Variants in KLHL25 observed in about 807,000 individuals in gnomAD.
KLHL25 encodes the protein kelch-like protein 25.
KLHL25 carries 41 observed loss-of-function variants against 30.0 expected under a neutral mutation model. The observed-to-expected ratio is 1.37, with a 90% CI of 1.07 to 1.78. KLHL25 has a LOEUF of 1.78. Among genes scored for constraint, KLHL25 ranks in the 40% most tolerant of loss-of-function variants. The probability of loss-of-function intolerance (pLI) is 0.00; values close to 1 mark genes in which losing one functional copy is unlikely to be tolerated. For missense variants in KLHL25, 971 were observed against 824.5 expected, an observed-to-expected ratio of 1.18 and a Z score of -2.18; for synonymous variants, 399 against 355.3, an observed-to-expected ratio of 1.12 and a Z score of -1.38.
intron 1 of KLHL25, among the ~76,000 whole-genome samples, chr15:85,773,734 T>G (rs1359754884): frequency 6.6e-6 from 1 of 152,200 alleles, no homozygotes; most frequent in African/African-American, 2.4e-5. Flanking sequence ...CTAGGACTGC[T>G]GACCGGACTG....
At chr15:85,782,134 G>A (rs2089747680) in intron 1 of KLHL25, among the ~76,000 whole-genome samples, 1 of 152,064 alleles carries the variant, frequency 6.6e-6, no homozygotes, top group Non-Finnish European at 1.5e-5. Flanking sequence ...GCTACACTTG[G>A]GCTTTGCAGT....
intron 1 of KLHL25, among the ~76,000 whole-genome samples, chr15:85,785,747 C>T (rs1567243389): frequency 6.6e-6 from 1 of 152,188 alleles, no homozygotes; most frequent in Non-Finnish European, 1.5e-5. Flanking sequence ...CTTAGCTAAC[C>T]AGCCAAACCC....
rs2151803371 is a variant in KLHL25, at chr15:85,760,485, C to A, written c.*551G>T. Reference sequence around the variant, plus strand: ...TAAGGCCTCATGGATGTCACTGAGGCCCCCCTGCAGTTTCTGCACCTTAAA... The same window carrying A: ...TAAGGCCTCATGGATGTCACTGAGGACCCCCTGCAGTTTCTGCACCTTAAA... On this transcript the variant is annotated 3_prime_UTR_variant, in exon 3 of 3. Transcript: ENST00000337975. 6.6e-6 allele frequency: 1 copy of A among 152,252 alleles called. No individual in the cohort carries two copies. The highest frequency in any genetic ancestry group is 6.5e-5 in the Admixed American group (1 of 15,304). 9.4% of individuals were successfully genotyped at this position (152,252 alleles called of 1,614,324 possible). A position where few individuals can be genotyped will look rare whatever the true frequency, so the allele number is the denominator to read the frequency against.
rs113995919 is a variant in KLHL25, at chr15:85,774,225, T to C, written c.-10-4405A>G. ...CTCTCGCTCTGCACATATCACAGAATTGTTCTCATGACCTAAGCGTCGTCC... is the reference window on the plus strand; with the variant it reads ...CTCTCGCTCTGCACATATCACAGAACTGTTCTCATGACCTAAGCGTCGTCC... On this transcript the variant is annotated intron_variant, in intron 1 of 2. Coordinates refer to ENST00000337975, the MANE Select transcript of KLHL25 (RefSeq NM_022480.4). Among the ~76,000 whole-genome samples, 714 of 152,276 alleles carry C rather than the reference T, an allele frequency of 4.7e-3. 6 individuals are homozygous for C. The highest frequency in any genetic ancestry group is 0.016 in the African/African-American group (673 of 41,546).
chr15:85,773,143 G>A (rs916132539), intron 1 of KLHL25, among the ~76,000 whole-genome samples: 13 of 152,240 alleles, frequency 8.5e-5, no homozygotes, highest in African/African-American at 3.1e-4. Flanking sequence ...AACTGCACAG[G>A]AGGCCCAGAA....
intron 1 of KLHL25, among the ~76,000 whole-genome samples, chr15:85,780,342 A>C (rs764154952): frequency 2.6e-5 from 4 of 152,238 alleles, no homozygotes; most frequent in Non-Finnish European, 5.9e-5. Flanking sequence ...CAGAGACAGA[A>C]ACAAAGAGGG....
intron 1 of KLHL25, among the ~76,000 whole-genome samples, chr15:85,770,223 C>CTACAGAAGCTT (rs2089662096): frequency 6.6e-6 from 1 of 152,336 alleles, no homozygotes; most frequent in Non-Finnish European, 1.5e-5. Context: ...TGACAGTCCT[C>CTACAGAAGCTT]TACAGAAGCT....
intron 1 of KLHL25, among the ~76,000 whole-genome samples, chr15:85,790,789 G>C (rs1233075286): frequency 2.0e-5 from 3 of 152,024 alleles, no homozygotes; most frequent in Non-Finnish European, 4.4e-5. Context: ...CCAACTCAGG[G>C]AACAGGAGAC....
intron 1 of KLHL25, among the ~76,000 whole-genome samples, chr15:85,774,672 T>C (rs564633077): frequency 6.6e-6 from 1 of 152,042 alleles, no homozygotes; most frequent in Non-Finnish European, 1.5e-5. Context: ...AACCAAGAGT[T>C]AGCAAGGCTC....
At chr15:85,767,820 T>C (rs1449818515) in intron 2 of KLHL25, among the ~76,000 whole-genome samples, 197 bp downstream of exon 2, 4 of 152,232 alleles carry the variant, frequency 2.6e-5, no homozygotes, top group Admixed American at 6.5e-5. Context: ...TTTTGCAGAC[T>C]GGTTCAATAA....
chr15:85,768,560 G>A lies in KLHL25; in HGVS notation c.1251C>T (p.Tyr417=), dbSNP rs143809936. 1,006 of 1,613,150 alleles carry A rather than the reference G, an allele frequency of 6.2e-4. 9 individuals are homozygous for A. In the South Asian group the frequency reaches 7.8e-3, roughly 12 times the overall value. Residue 417 remains tyrosine (Y), a synonymous_variant, in exon 2 of 3, where the codon TAC becomes TAT. Transcript: ENST00000337975. The part of the protein sequence containing the change: ...PSVSLKQVEK[Y]DPGANKWMMV... Reference sequence around the variant, plus strand: ...TCATCCACTTGTTGGCCCCAGGGTCGTATTTCTCCACTTGTTTCAGGGAGA... The same window carrying A: ...TCATCCACTTGTTGGCCCCAGGGTCATATTTCTCCACTTGTTTCAGGGAGA...
Position 85,765,335 on chromosome 15 carries a change from A to AC in KLHL25, c.*24+2681_*24+2682insG, listed in dbSNP as rs1464416667. Reference sequence around the variant, plus strand: ...TTTTCTCTAAAGACAGCAGATTAAAAAAAAAGAAGACCGGGCACGAAGGCT... The same window carrying AC: ...TTTTCTCTAAAGACAGCAGATTAAAACAAAAAGAAGACCGGGCACGAAGGCT... On this transcript the variant is annotated intron_variant, in intron 2 of 2. Transcript: ENST00000337975. Among the ~76,000 whole-genome samples, 20 of 151,812 alleles carry AC rather than the reference A, an allele frequency of 1.3e-4. 1 individual carries two copies. The East Asian group carries it at 3.9e-3, about 29-fold the overall frequency.
intron 2 of KLHL25, chr15:85,762,626 T>C (rs1018457100): frequency 2.0e-5 from 3 of 152,428 alleles, no homozygotes; most frequent in Non-Finnish European, 4.4e-5. Context: ...CTGTGGGTTG[T>C]TGGTGTAGGG....
At chr15:85,792,089 T>G (rs1272080374) in intron 1 of KLHL25, among the ~76,000 whole-genome samples, 1 of 152,150 alleles carries the variant, frequency 6.6e-6, no homozygotes, top group Admixed American at 6.6e-5. Context: ...TTTGACAGCT[T>G]TAGGTTGGTA....
At chr15:85,773,137 G>C (rs1653286376) in intron 1 of KLHL25, among the ~76,000 whole-genome samples, 1 of 152,244 alleles carries the variant, frequency 6.6e-6, no homozygotes, top group Non-Finnish European at 1.5e-5. Flanking sequence ...CTCCCAAACT[G>C]CACAGGAGGC....
At chr15:85,785,093 T>C (rs1255353286) in intron 1 of KLHL25, among the ~76,000 whole-genome samples, 1 of 141,684 alleles carries the variant, frequency 7.1e-6, no homozygotes, top group Non-Finnish European at 1.6e-5. Context: ...ATTTCTTTTT[T>C]CTTTTTTTTT....
At chr15:85,783,971 T>C (rs947253743) in intron 1 of KLHL25, among the ~76,000 whole-genome samples, 4 of 152,160 alleles carry the variant, frequency 2.6e-5, no homozygotes, top group African/African-American at 9.7e-5. Context: ...CGAGGTACCA[T>C]CCTCAGAATT....
At chr15:85,784,749 TG>T (rs2089769074) in intron 1 of KLHL25, among the ~76,000 whole-genome samples, 1 of 152,134 alleles carries the variant, frequency 6.6e-6, no homozygotes, top group Non-Finnish European at 1.5e-5. Context: ...AACCTGAGCC[TG>T]GAAGCAGATT....
Position 85,769,816 on chromosome 15 carries a change from G to T in KLHL25, c.-6C>A. The T allele has an allele frequency of 6.2e-7, 1 of 1,601,940 alleles. No individual in the cohort carries two copies. The highest frequency in any genetic ancestry group is 8.5e-7 in the Non-Finnish European group (1 of 1,175,268). On this transcript the variant is annotated 5_prime_UTR_variant, in exon 2 of 3. Transcript: ENST00000337975. ...TCATGGACACTGACCGACATGGTGC[G>T]TCAGCTTGTGGGGGAACAAGCCCAC...
Sources: allele counts gnomAD v4.1 joint callset (sites outside exome capture counted in the v4.1 genomes callset), GRCh38; gene constraint gnomAD v4.1.1; transcripts MANE v1.5; gene names NCBI Gene and HGNC (gene_info 2026-07-23, HGNC 2026-07-21).